ITGA2: variants seen among roughly 807,000 people sequenced by gnomAD.
ITGA2 encodes the protein integrin alpha-2.
ITGA2 carries 101 observed loss-of-function variants against 146.3 expected under a neutral mutation model. The observed-to-expected ratio is 0.69, with a 90% CI of 0.59 to 0.81. ITGA2 has a LOEUF of 0.81. Ranked by LOEUF, ITGA2 falls within the 40% of genes least tolerant of loss-of-function variation. The pLI, the probability that ITGA2 is intolerant of heterozygous loss-of-function variation, is 0.00. For synonymous variants in ITGA2, 477 were observed against 487.1 expected (o/e 0.98, Z 0.27); for missense variants, 1,281 against 1,402.7 (o/e 0.91, Z 1.39).
intron 1 of ITGA2, among the ~76,000 whole-genome samples, chr5:53,013,550 T>C (rs1159561128): frequency 6.6e-6 from 1 of 152,022 alleles, no homozygotes; most frequent in Non-Finnish European, 1.5e-5. Flanking sequence ...ATGATGCCTC[T>C]AACTTTGTTC....
At chr5:53,029,600 G>A (rs1261605802) in intron 2 of ITGA2, among the ~76,000 whole-genome samples, 2 of 152,178 alleles carry the variant, frequency 1.3e-5, no homozygotes, top group Non-Finnish European at 2.9e-5. Flanking sequence ...ACTGCTCTCT[G>A]AGTCACTCCA....
intron 21 of ITGA2, 49 bp from the exon 22 acceptor site, chr5:53,075,012 C>A: frequency 8.0e-7 from 1 of 1,244,502 alleles, no homozygotes; most frequent in Non-Finnish European, 1.2e-6. Flanking sequence ...TCACGTTGGC[C>A]TCTGAGTATG....
intron 1 of ITGA2, among the ~76,000 whole-genome samples, chr5:52,996,863 G>T (rs1307388891): frequency 2.6e-5 from 4 of 152,108 alleles, no homozygotes; most frequent in Non-Finnish European, 5.9e-5. Flanking sequence ...AAATAATCTT[G>T]TTAGAAATAA....
intron 1 of ITGA2, among the ~76,000 whole-genome samples, chr5:53,004,596 T>C (rs570157752): frequency 6.6e-6 from 1 of 152,244 alleles, no homozygotes; most frequent in South Asian, 2.1e-4. Flanking sequence ...TCTTTCCATT[T>C]CTAGCATCAC....
At chr5:53,086,844 G>A (rs1470189402) in intron 27 of ITGA2, 108 bp from the exon 28 acceptor site, 2 of 893,260 alleles carry the variant, frequency 2.2e-6, no homozygotes, top group African/African-American at 1.7e-5. Flanking sequence ...AGAACCATTT[G>A]CTCTTGTCAC....
At chr5:53,031,407 TTCTA>T (rs1324338324) in intron 2 of ITGA2, among the ~76,000 whole-genome samples, 3 of 152,164 alleles carry the variant, frequency 2.0e-5, no homozygotes, top group African/African-American at 7.2e-5. Context: ...TTTGTAATCT[TTCTA>T]TCTAAGTCCT....
chr5:53,081,749 G>T, intron 26 of ITGA2, 53 bp downstream of exon 26: 1 of 1,227,316 alleles, frequency 8.1e-7, no homozygotes, highest in South Asian at 1.3e-5. Flanking sequence ...TTTCACCTGT[G>T]ATCAGGACGC....
Position 53,090,675 on chromosome 5 carries a change from T to C in ITGA2, c.*76T>C. Reference sequence around the variant, plus strand: ...GCTGTTTGCGTGAATGGATTTCTTTTTAAATCCCATATTTTTTTTATCATG... The same window carrying C: ...GCTGTTTGCGTGAATGGATTTCTTTCTAAATCCCATATTTTTTTTATCATG... On this transcript the variant is annotated 3_prime_UTR_variant, in exon 30 of 30. Transcript: ENST00000296585. 8.7e-7 allele frequency: 1 copy of C among 1,147,322 alleles called. No individual in the cohort carries two copies. The highest frequency in any genetic ancestry group is 1.3e-6 in the Non-Finnish European group (1 of 760,000). 71.1% of individuals were successfully genotyped at this position (1,147,322 alleles called of 1,614,324 possible).
At chr5:53,081,483 C>G in intron 25 of ITGA2, 109 bp from the exon 26 acceptor site, 2 of 817,376 alleles carry the variant, frequency 2.4e-6, no homozygotes, top group Non-Finnish European at 4.2e-6. Flanking sequence ...AGAAGCCTAA[C>G]AGCCCTTCCC....
At chr5:52,994,968 G>A (rs1220226135) in intron 1 of ITGA2, among the ~76,000 whole-genome samples, 1 of 152,182 alleles carries the variant, frequency 6.6e-6, no homozygotes, top group African/African-American at 2.4e-5. Context: ...GAACCTCAGA[G>A]ATCCTGGAGT....
chr5:53,018,798 C>A (rs1187053643), intron 1 of ITGA2, among the ~76,000 whole-genome samples: 1 of 152,168 alleles, frequency 6.6e-6, no homozygotes, highest in African/African-American at 2.4e-5. Context: ...CACGGTGGCT[C>A]ACGCCTGTAA....
rs1410016462 is a variant in ITGA2 at position 53,091,552 on chromosome 5, C to T, written c.*953C>T. 1 of 152,160 alleles carries T rather than the reference C, an allele frequency of 6.6e-6. No homozygotes were observed. Among genetic ancestry groups the T allele is most frequent in the Non-Finnish European group, 1.5e-5 (1 of 68,034 alleles). 9.4% of individuals were successfully genotyped at this position (152,160 alleles called of 1,614,324 possible). On this transcript the variant is annotated 3_prime_UTR_variant, in exon 30 of 30. Coordinates refer to ENST00000296585, the MANE Select transcript of ITGA2 (RefSeq NM_002203.4). ...CCTCCCTTACTGAACCACTCTCCCA[C>T]CTCCTGGTGGTACCATTATTATAGA... is the stretch of plus-strand genomic sequence containing the variant.
intron 2 of ITGA2, among the ~76,000 whole-genome samples, chr5:53,035,118 A>T (rs577801197): frequency 6.6e-6 from 1 of 152,346 alleles, no homozygotes; most frequent in South Asian, 2.1e-4. Flanking sequence ...ATCATTGATG[A>T]AACAACCATC....
At chr5:53,070,918 C>G (rs1745362305) in intron 17 of ITGA2, among the ~76,000 whole-genome samples, 1 of 151,826 alleles carries the variant, frequency 6.6e-6, no homozygotes. Flanking sequence ...TAAGTACTTT[C>G]TTAGAATACA....
At chr5:53,053,959 A>T (rs1471130391) in intron 7 of ITGA2, among the ~76,000 whole-genome samples, 1 of 152,180 alleles carries the variant, frequency 6.6e-6, no homozygotes, top group Non-Finnish European at 1.5e-5. Flanking sequence ...AGAATCATAC[A>T]TGAAATTTAC....
rs1745706839 is a variant in ITGA2 at position 53,077,321 on chromosome 5, C to T, written c.2826-1451C>T. Reference sequence around the variant, plus strand: ...GCAAACTTTTGGAAAAAATCCTACACAATAACTTAGTGTATTTCTTAGCAA... The same window carrying T: ...GCAAACTTTTGGAAAAAATCCTACATAATAACTTAGTGTATTTCTTAGCAA... On this transcript the variant is annotated intron_variant, in intron 23 of 29. Transcript: ENST00000296585. 2.0e-5 allele frequency among the ~76,000 whole-genome samples: 3 copies of T among 152,052 alleles called. No homozygotes were observed. In the South Asian group the frequency reaches 6.2e-4, roughly 32 times the overall value.
intron 1 of ITGA2, among the ~76,000 whole-genome samples, chr5:53,003,643 A>G (rs1018378840): frequency 2.0e-5 from 3 of 152,212 alleles, no homozygotes; most frequent in Admixed American, 1.3e-4. Flanking sequence ...CAGAAATCAC[A>G]TAACTGCATC....
rs1740590451 is a variant in ITGA2, at chr5:53,094,265, G to A, written c.*3666G>A. The A allele has an allele frequency of 1.3e-5, 2 of 152,084 alleles. No homozygotes were observed. The highest frequency in any genetic ancestry group is 1.5e-5 in the Non-Finnish European group (1 of 67,982). The allele number at this position is 152,084 out of a possible 1,614,324, so 9.4% of individuals were successfully genotyped here. ...TGAAAGGTTAATTTAAACCTCTAGA[G>A]GTGAATGAGAAACATGGGGGAAAAG... is the stretch of plus-strand genomic sequence containing the variant. On this transcript the variant is annotated 3_prime_UTR_variant, in exon 30 of 30. Transcript: ENST00000296585.
chr5:53,044,945 C>T, intron 3 of ITGA2, 56 bp from the exon 4 acceptor site: 1 of 1,296,238 alleles, frequency 7.7e-7, no homozygotes, highest in Non-Finnish European at 1.1e-6. Context: ...CTTTTAATAT[C>T]TTTAAGTAAA....
Sources: allele counts gnomAD v4.1 joint callset (sites outside exome capture counted in the v4.1 genomes callset), GRCh38; gene constraint gnomAD v4.1.1; transcripts MANE v1.5; gene names NCBI Gene and HGNC (gene_info 2026-07-23, HGNC 2026-07-21).